ARB2A: variants seen among roughly 807,000 people sequenced by gnomAD.
ARB2A encodes ARB2 cotranscriptional regulator A, also known as cotranscriptional regulator ARB2A.
At chr5:93,872,872 G>A in the ARB2A span, among the ~76,000 whole-genome samples, 5 of 151,630 alleles carry the variant, frequency 3.3e-5, no homozygotes, top group Non-Finnish European at 7.4e-5. Context: ...AGCCGAGATC[G>A]CGCCACTGCA....
chr5:93,680,239 T>G, the ARB2A span, among the ~76,000 whole-genome samples: 1 of 152,110 alleles, frequency 6.6e-6, no homozygotes, highest in Non-Finnish European at 1.5e-5. Context: ...AAGTAAATAC[T>G]TAAAAACTCT....
the ARB2A span, among the ~76,000 whole-genome samples, chr5:93,779,312 C>A: frequency 1.1e-4 from 16 of 152,218 alleles, no homozygotes; most frequent in African/African-American, 3.6e-4. Context: ...TTTATCAAAT[C>A]TAACTCCCTA....
At chr5:93,813,655 G>C in the ARB2A span, among the ~76,000 whole-genome samples, 1 of 152,142 alleles carries the variant, frequency 6.6e-6, no homozygotes, top group Non-Finnish European at 1.5e-5. Flanking sequence ...ACTGTGGGAA[G>C]GCAACTGTCT....
At chr5:93,893,428 T>C in the ARB2A span, among the ~76,000 whole-genome samples, 1 of 152,168 alleles carries the variant, frequency 6.6e-6, no homozygotes, top group Admixed American at 6.5e-5. Flanking sequence ...TTTGCTAACA[T>C]TAACTGCAAA....
At chr5:93,753,928 G>A in the ARB2A span, among the ~76,000 whole-genome samples, 1 of 152,082 alleles carries the variant, frequency 6.6e-6, no homozygotes, top group African/African-American at 2.4e-5. Context: ...TGTGTGCCTG[G>A]TACAAAGTGG....
the ARB2A span, among the ~76,000 whole-genome samples, chr5:93,804,167 G>C: frequency 6.6e-6 from 1 of 151,990 alleles, no homozygotes; most frequent in Non-Finnish European, 1.5e-5. Flanking sequence ...CTACATTAAA[G>C]TGTTCAAATA....
chr5:93,707,993 A>C, the ARB2A span, among the ~76,000 whole-genome samples: 1 of 152,208 alleles, frequency 6.6e-6, no homozygotes, highest in African/African-American at 2.4e-5. Flanking sequence ...TAAACGTGTA[A>C]GAGTTTCAGT....
chr5:94,090,829 T>C, the ARB2A span, among the ~76,000 whole-genome samples: 12 of 152,216 alleles, frequency 7.9e-5, no homozygotes, highest in Non-Finnish European at 5.9e-5. Context: ...ATTACATTTA[T>C]TGATTTGTGT....
the ARB2A span, among the ~76,000 whole-genome samples, chr5:93,937,858 T>C: frequency 6.6e-6 from 1 of 152,158 alleles, no homozygotes; most frequent in African/African-American, 2.4e-5. Flanking sequence ...CCCAAAACAA[T>C]GTAAACAGTT....
chr5:93,728,069 A>T, the ARB2A span, among the ~76,000 whole-genome samples: 8 of 152,092 alleles, frequency 5.3e-5, no homozygotes, highest in Non-Finnish European at 1.2e-4. Flanking sequence ...AATAATTACT[A>T]AAGATATATA....
the ARB2A span, among the ~76,000 whole-genome samples, chr5:93,914,893 C>T: frequency 6.6e-6 from 1 of 151,824 alleles, no homozygotes; most frequent in Non-Finnish European, 1.5e-5. Flanking sequence ...TAATCAGGGT[C>T]ATCATTACCG....
At chr5:93,705,651 G>GTATATA in the ARB2A span, among the ~76,000 whole-genome samples, 1 of 132,872 alleles carries the variant, frequency 7.5e-6, no homozygotes. Flanking sequence ...GTGTGTGTGT[G>GTATATA]TATATATATA....
the ARB2A span, among the ~76,000 whole-genome samples, chr5:93,938,578 T>C: frequency 6.6e-6 from 1 of 152,182 alleles, no homozygotes; most frequent in Non-Finnish European, 1.5e-5. Flanking sequence ...AGCAACAGCA[T>C]TTATTAATTT....
chr5:93,932,385 C>T, the ARB2A span, among the ~76,000 whole-genome samples: 1 of 152,184 alleles, frequency 6.6e-6, no homozygotes, highest in Non-Finnish European at 1.5e-5. Context: ...ATGTACTGCA[C>T]TTAGCACTGT....
the ARB2A span, among the ~76,000 whole-genome samples, chr5:93,841,387 G>T: frequency 6.6e-6 from 1 of 152,076 alleles, no homozygotes; most frequent in Non-Finnish European, 1.5e-5. Flanking sequence ...AATATATTAG[G>T]TAGTAAAGTA....
At chr5:93,841,142 C>G in the ARB2A span, among the ~76,000 whole-genome samples, 1 of 152,112 alleles carries the variant, frequency 6.6e-6, no homozygotes, top group Non-Finnish European at 1.5e-5. Flanking sequence ...ATAATGTTAA[C>G]TGAAAATGCC....
the ARB2A span, among the ~76,000 whole-genome samples, chr5:94,073,731 C>A: frequency 6.6e-6 from 1 of 152,104 alleles, no homozygotes; most frequent in African/African-American, 2.4e-5. Flanking sequence ...CGTGCTGGAT[C>A]CTTCCCAGCA....
At chr5:93,796,037 T>G in the ARB2A span, among the ~76,000 whole-genome samples, 1 of 152,230 alleles carries the variant, frequency 6.6e-6, no homozygotes, top group Non-Finnish European at 1.5e-5. Context: ...CAATCATCAC[T>G]ACTTAGCATC....
At chr5:93,767,255 C>A in the ARB2A span, among the ~76,000 whole-genome samples, 13 of 152,202 alleles carry the variant, frequency 8.5e-5, no homozygotes, top group South Asian at 2.5e-3. Flanking sequence ...AGAAGATATA[C>A]AAATGGCCAA....
Sources: allele counts gnomAD v4.1 joint callset (sites outside exome capture counted in the v4.1 genomes callset), GRCh38; gene constraint gnomAD v4.1.1; transcripts MANE v1.5; gene names NCBI Gene and HGNC (gene_info 2026-07-23, HGNC 2026-07-21).